The following TVP23C variants were observed in gnomAD, a reference collection of about 807,000 sequenced individuals.
TVP23C encodes Golgi apparatus membrane protein TVP23 homolog C.
A neutral mutation model predicts 28.7 loss-of-function variants in TVP23C; 19 were observed. The ratio of observed to expected loss-of-function variants is 0.66; its 90% CI spans 0.46 to 0.97. The LOEUF (loss-of-function observed/expected upper bound fraction) is 0.97. Ranked by LOEUF, TVP23C falls within the 50% of genes least tolerant of loss-of-function variation. The pLI, the probability that TVP23C is intolerant of heterozygous loss-of-function variation, is 0.00. For missense variants in TVP23C, 186 were observed against 241.3 expected (o/e 0.77, Z 1.52); for synonymous variants, 68 against 81.7 (o/e 0.83, Z 0.90).
chr17:15,543,180 G>A (rs942500302), intron 5 of TVP23C, among the ~76,000 whole-genome samples: 2 of 144,414 alleles, frequency 1.4e-5, no homozygotes, highest in Non-Finnish European at 3.1e-5. Context: ...TCTCCACATC[G>A]CACATCACAC....
At position 15,525,202 on chromosome 17, in the gene TVP23C, T is replaced by A. The variant is rs1233169913; in HGVS notation, c.462+20583A>T. On this transcript the variant is annotated intron_variant, in intron 5 of 5. Coordinates refer to the TVP23C transcript ENST00000225576. Reference sequence around the variant, plus strand: ...TGTTAAAAGGCGGGCACATGCCCAATAAATGTTTATTGAGTGCCATTAGGT... The same window carrying A: ...TGTTAAAAGGCGGGCACATGCCCAAAAAATGTTTATTGAGTGCCATTAGGT... Among the ~76,000 whole-genome samples, 10 of 152,334 alleles carry A rather than the reference T, an allele frequency of 6.6e-5. No individual in the cohort carries two copies. In the East Asian group the frequency reaches 1.7e-3, roughly 26 times the overall value.
chr17:15,505,707 G>A lies in TVP23C; in HGVS notation c.463-2475C>T, dbSNP rs187671829. On this transcript the variant is annotated intron_variant, in intron 5 of 5. Coordinates refer to the TVP23C transcript ENST00000225576. The stretch of plus-strand genomic sequence containing the variant: ...CAGGGAGGTGTGGAGGGAGAGGGGC[G>A]AGCGGGAACCGGGGCTGCCTAGGGC... Among the ~76,000 whole-genome samples, 405 of 152,334 alleles carry A rather than the reference G, an allele frequency of 2.7e-3. 3 individuals are homozygous for A. Among genetic ancestry groups the A allele is most frequent in the South Asian group, 0.016 (75 of 4,830 alleles).
intron 5 of TVP23C, among the ~76,000 whole-genome samples, chr17:15,513,512 C>T (rs1385225048): frequency 6.6e-6 from 1 of 152,188 alleles, no homozygotes; most frequent in African/African-American, 2.4e-5. Context: ...GCTGTCCAGT[C>T]CTAGCGTCGA....
Position 15,539,625 on chromosome 17 carries a change from T to C in TVP23C, c.*787A>G. 1 of 967,912 alleles carries C rather than the reference T, an allele frequency of 1.0e-6. No individual in the cohort carries two copies. Among genetic ancestry groups the C allele is most frequent in the Non-Finnish European group, 1.2e-6 (1 of 815,718 alleles). The allele number at this position is 967,912 out of a possible 1,614,324, so 60.0% of individuals were successfully genotyped here. A position where few individuals can be genotyped will look rare whatever the true frequency, so the allele number is the denominator to read the frequency against. On this transcript the variant is annotated 3_prime_UTR_variant, in exon 6 of 6. Transcript: ENST00000518321. ...CTCAAGAAAAAAAAAAAAAAAGACC[T>C]AGTCACTTTTCCCAAGAGATTTAAC...
intron 5 of TVP23C, among the ~76,000 whole-genome samples, chr17:15,544,764 A>G (rs886753418): frequency 6.6e-6 from 1 of 152,186 alleles, no homozygotes; most frequent in Non-Finnish European, 1.5e-5. Flanking sequence ...AAGAACTGAA[A>G]AAAGACAATA....
chr17:15,506,575 C>T (rs1314301708), intron 5 of TVP23C, among the ~76,000 whole-genome samples: 3 of 152,220 alleles, frequency 2.0e-5, no homozygotes, highest in Non-Finnish European at 4.4e-5. Flanking sequence ...CCCTTCCACA[C>T]TGCGGAAGCT....
downstream of TVP23C, among the ~76,000 whole-genome samples, chr17:15,536,390 A>T (rs1983158355): frequency 6.6e-6 from 1 of 152,158 alleles, no homozygotes; most frequent in Admixed American, 6.6e-5. Context: ...CCTTTTAAGG[A>T]TACTTCCTGG....
At chr17:15,523,005 G>A (rs566544271) in intron 5 of TVP23C, among the ~76,000 whole-genome samples, 1 of 152,008 alleles carries the variant, frequency 6.6e-6, no homozygotes, top group South Asian at 2.1e-4. Flanking sequence ...TGAAGTTATA[G>A]AGCAGAATTT....
chr17:15,528,661 C>CGTG (rs1217725403), intron 5 of TVP23C, among the ~76,000 whole-genome samples: 1 of 151,358 alleles, frequency 6.6e-6, no homozygotes, highest in African/African-American at 2.4e-5. Flanking sequence ...GCTGGAGTGC[C>CGTG]GTGGCGTGAT....
intron 5 of TVP23C, among the ~76,000 whole-genome samples, chr17:15,542,867 A>C (rs2150850444): frequency 6.6e-6 from 1 of 152,338 alleles, no homozygotes; most frequent in East Asian, 1.9e-4. Flanking sequence ...AGTAGGATAT[A>C]AATAACTCCT....
At chr17:15,560,737 GTACAGACGGGGT>G (rs1448876228) in intron 1 of TVP23C, among the ~76,000 whole-genome samples, 1 of 148,306 alleles carries the variant, frequency 6.7e-6, no homozygotes, top group African/African-American at 2.4e-5. Context: ...TTGTTTTTCA[GTACAGACGGGGT>G]TTCACCGTGT....
intron 5 of TVP23C, among the ~76,000 whole-genome samples, chr17:15,528,516 A>C (rs1982819286): frequency 6.6e-6 from 1 of 152,212 alleles, no homozygotes; most frequent in South Asian, 2.1e-4. Flanking sequence ...TTATGGCCTA[A>C]CATATAGTCT....
rs1258065568 is a variant in TVP23C at position 15,558,771 on chromosome 17, T to C, written c.13-3407A>G. On this transcript the variant is annotated intron_variant, in intron 1 of 5. Transcript: ENST00000518321. ...AACCCCTTGAGCCTCATTCTGGACT[T>C]CTGACCACCAGAACTTTACAACAGT... Among the ~76,000 whole-genome samples, 3 of 148,894 alleles carry C rather than the reference T, an allele frequency of 2.0e-5. 1 individual carries two copies. In the Admixed American group the frequency reaches 2.0e-4, roughly 10 times the overall value.
chr17:15,507,656 G>A (rs936590495), intron 5 of TVP23C, among the ~76,000 whole-genome samples: 2 of 152,158 alleles, frequency 1.3e-5, no homozygotes, highest in East Asian at 1.9e-4. Flanking sequence ...GGCTAACACG[G>A]TGAAACCCCA....
At chr17:15,518,505 C>G (rs145413216) in intron 5 of TVP23C, among the ~76,000 whole-genome samples, 63 of 152,300 alleles carry the variant, frequency 4.1e-4, no homozygotes, top group African/African-American at 1.5e-3. Context: ...GACAGCTGGG[C>G]TCTCAGCAGC....
At position 15,540,112 on chromosome 17, in the gene TVP23C, A is replaced by C. The variant is rs1327006558; in HGVS notation, c.*300T>G. Reference sequence around the variant, plus strand: ...TGTCTCAAAAAATAAAAATAAAAACATACAACATACATTCTGCAAGGGCAT... The same window carrying C: ...TGTCTCAAAAAATAAAAATAAAAACCTACAACATACATTCTGCAAGGGCAT... On this transcript the variant is annotated 3_prime_UTR_variant, in exon 6 of 6. Coordinates refer to ENST00000518321, the MANE Select transcript of TVP23C (RefSeq NM_001135036.2). 2 of 1,217,090 alleles carry C rather than the reference A, an allele frequency of 1.6e-6. No homozygotes were observed. Among genetic ancestry groups the C allele is most frequent in the African/African-American group, 3.2e-5 (2 of 63,098 alleles). 75.4% of individuals were successfully genotyped at this position (1,217,090 alleles called of 1,614,324 possible). A position where few individuals can be genotyped will look rare whatever the true frequency, so the allele number is the denominator to read the frequency against.
intron 1 of TVP23C, among the ~76,000 whole-genome samples, chr17:15,556,525 C>T (rs1344095923): frequency 1.3e-5 from 2 of 152,070 alleles, no homozygotes; most frequent in African/African-American, 4.8e-5. Context: ...CCATGCCTGG[C>T]TAATTTTTTG....
rs909547425 is a variant in TVP23C at position 15,538,565 on chromosome 17, G to A, written c.*1847C>T. On this transcript the variant is annotated 3_prime_UTR_variant, in exon 6 of 6. Coordinates refer to ENST00000518321, the MANE Select transcript of TVP23C (RefSeq NM_001135036.2). ...AGATCGCGCCACTGCACTCCAGCCTGGGCAAACAGAGTGAGACTCTGTCTC... is the reference window on the plus strand; with the variant it reads ...AGATCGCGCCACTGCACTCCAGCCTAGGCAAACAGAGTGAGACTCTGTCTC... The A allele has an allele frequency of 1.1e-5, 11 of 966,706 alleles. No individual in the cohort carries two copies. The Admixed American group carries it at 6.2e-4, about 54-fold the overall frequency. The allele number at this position is 966,706 out of a possible 1,614,324, so 59.9% of individuals were successfully genotyped here. A position where few individuals can be genotyped will look rare whatever the true frequency, so the allele number is the denominator to read the frequency against.
Position 15,563,324 on chromosome 17 carries a change from G to A in TVP23C, c.12+113C>T, listed in dbSNP as rs565739597. On this transcript the variant is annotated intron_variant, in intron 1 of 5. Transcript: ENST00000518321. The stretch of plus-strand genomic sequence containing the variant: ...ACAGCCCTCCACTCCCGGCCGCCCC[G>A]CTCCTCCTCGAGTTCGAGTAGCGGG... 2,540 of 1,507,498 alleles carry A rather than the reference G, an allele frequency of 1.7e-3. 37 individuals carry two copies. In the African/African-American group the frequency reaches 0.031, roughly 19 times the overall value. 93.4% of individuals were successfully genotyped at this position (1,507,498 alleles called of 1,614,324 possible).
Sources: gnomAD v4.1 joint callset for allele counts (sites outside exome capture counted in the v4.1 genomes callset) on GRCh38, gnomAD v4.1.1 for gene constraint, MANE v1.5 for transcripts, NCBI Gene and HGNC (gene_info 2026-07-23, HGNC 2026-07-21) for gene names.